The following UGGT1 variants were observed in gnomAD, a reference collection of about 807,000 sequenced individuals.
The protein encoded by UGGT1 is UDP-glucose:glycoprotein glucosyltransferase 1.
A neutral mutation model predicts 203.9 loss-of-function variants in UGGT1; 107 were observed. That is an observed-to-expected ratio of 0.52 (90% CI 0.45 to 0.62). The LOEUF (loss-of-function observed/expected upper bound fraction) is 0.62. UGGT1 is among the 20% of genes least tolerant of loss of function. UGGT1 has a pLI of 0.00. For missense variants in UGGT1, 1,673 were observed against 1,867.2 expected (o/e 0.90, Z 1.92); for synonymous variants, 628 against 653.5 (o/e 0.96, Z 0.59).
At chr2:128,146,405 A>G (rs35895113) in intron 18 of UGGT1, among the ~76,000 whole-genome samples, 26,173 of 152,186 alleles carry the variant, frequency 0.17, 2,679 homozygotes, top group South Asian at 0.32. Context: ...GAAAATATTC[A>G]TAAATCTTCT....
intron 1 of UGGT1, among the ~76,000 whole-genome samples, chr2:128,094,787 C>T (rs369665664): frequency 6.5e-5 from 8 of 123,346 alleles, no homozygotes; most frequent in South Asian, 2.6e-4. Context: ...CTCTCTCTGT[C>T]GCCCAGGCTG....
chr2:128,127,165 A>G (rs549511426), intron 11 of UGGT1, among the ~76,000 whole-genome samples, 196 bp from the exon 12 acceptor site: 6 of 152,250 alleles, frequency 3.9e-5, no homozygotes, highest in African/African-American at 1.4e-4. Context: ...TGTGGTGTAC[A>G]ACATGTTTCG....
At position 128,155,601 on chromosome 2, in the gene UGGT1, G is replaced by A; in HGVS notation, c.2236+14G>A. On this transcript the variant is annotated intron_variant, in intron 20 of 40. Coordinates refer to ENST00000259253, the MANE Select transcript of UGGT1 (RefSeq NM_020120.4). ...TGACAAAGAAAGGTAATCCATTTGA[G>A]GCTTATTATCTTGCATTCAACATTT... is the stretch of plus-strand genomic sequence containing the variant. The A allele has an allele frequency of 6.3e-7, 1 of 1,591,066 alleles. No homozygotes were observed. Among genetic ancestry groups the A allele is most frequent in the South Asian group, 1.1e-5 (1 of 87,664 alleles).
At chr2:128,106,721 T>C (rs1336867160) in intron 3 of UGGT1, among the ~76,000 whole-genome samples, 1 of 152,154 alleles carries the variant, frequency 6.6e-6, no homozygotes, top group Non-Finnish European at 1.5e-5. Flanking sequence ...GGCTAATTTT[T>C]ATATTTTTAA....
intron 13 of UGGT1, 77 bp downstream of exon 13, chr2:128,129,256 A>T (rs1214265551): frequency 2.0e-6 from 3 of 1,487,324 alleles, no homozygotes; most frequent in Non-Finnish European, 2.7e-6. Flanking sequence ...GTCTCTTATG[A>T]GGGTGAAGTT....
chr2:128,102,288 G>A (rs928053885), intron 2 of UGGT1, among the ~76,000 whole-genome samples: 18 of 151,982 alleles, frequency 1.2e-4, no homozygotes, highest in African/African-American at 3.6e-4. Context: ...GACTACAGGC[G>A]CCCGCCACCA....
Position 128,091,323 on chromosome 2 carries a change from C to T in UGGT1, c.-35C>T, listed in dbSNP as rs187520649. The T allele has an allele frequency of 1.9e-6, 3 of 1,543,618 alleles. No homozygotes were observed. The highest frequency in any genetic ancestry group is 5.0e-5 in the East Asian group (2 of 40,278). ...TCGCCCCGCCCTGCCCTGGCGTTGT[C>T]TCTGGCACTGTGGCGGACTGACCAC... On this transcript the variant is annotated 5_prime_UTR_variant, in exon 1 of 41. Coordinates refer to ENST00000259253, the MANE Select transcript of UGGT1 (RefSeq NM_020120.4).
At chr2:128,156,850 G>A (rs1437778240) in intron 21 of UGGT1, among the ~76,000 whole-genome samples, 3 of 152,172 alleles carry the variant, frequency 2.0e-5, no homozygotes, top group Non-Finnish European at 4.4e-5. Context: ...GATTACAGGC[G>A]TGAGCCACTG....
chr2:128,099,604 G>C (rs1394081153), intron 2 of UGGT1, among the ~76,000 whole-genome samples: 2 of 152,154 alleles, frequency 1.3e-5, no homozygotes, highest in Admixed American at 1.3e-4. Context: ...TGTGGCAGCC[G>C]GTCTTGGCTA....
intron 11 of UGGT1, among the ~76,000 whole-genome samples, 150 bp from the exon 12 acceptor site, chr2:128,127,207 TCTTA>T (rs1688647028): frequency 6.6e-6 from 1 of 152,208 alleles, no homozygotes; most frequent in Admixed American, 6.5e-5. Flanking sequence ...TTATCCCCTG[TCTTA>T]CTTGCCATTG....
At chr2:128,158,304 T>C (rs999488173) in intron 22 of UGGT1, among the ~76,000 whole-genome samples, 7 of 152,250 alleles carry the variant, frequency 4.6e-5, no homozygotes, top group Non-Finnish European at 1.5e-5. Flanking sequence ...GAACACACTC[T>C]TGTGACCACC....
intron 28 of UGGT1, 24 bp downstream of exon 28, chr2:128,171,308 CA>C (rs1483539888): frequency 1.3e-6 from 2 of 1,596,862 alleles, no homozygotes; most frequent in Non-Finnish European, 1.7e-6. Flanking sequence ...TGTAAGAAAA[CA>C]GTTGAAGAAA....
Position 128,168,205 on chromosome 2 carries a change from T to C in UGGT1, c.2922-2083T>C, listed in dbSNP as rs73955965. Among the ~76,000 whole-genome samples, 769 of 152,300 alleles carry C rather than the reference T, an allele frequency of 5.0e-3. 10 individuals carry two copies. The highest frequency in any genetic ancestry group is 0.016 in the African/African-American group (678 of 41,558). ...AGTCTGGGTTGGATCCTGACTTGCT[T>C]CTCACAAATGCCCAGGGGAAGCTGA... On this transcript the variant is annotated intron_variant, in intron 26 of 40. Coordinates refer to ENST00000259253, the MANE Select transcript of UGGT1 (RefSeq NM_020120.4).
intron 26 of UGGT1, among the ~76,000 whole-genome samples, chr2:128,169,666 C>CT (rs1179494667): frequency 2.6e-5 from 4 of 152,164 alleles, no homozygotes; most frequent in East Asian, 1.9e-4. Context: ...GGAGTAAACT[C>CT]TGACAGCTTC....
At chr2:128,150,736 C>T (rs1257798219) in intron 18 of UGGT1, among the ~76,000 whole-genome samples, 1 of 149,340 alleles carries the variant, frequency 6.7e-6, no homozygotes, top group Admixed American at 6.7e-5. Context: ...CACTTCATTC[C>T]AGCTATAGGT....
At chr2:128,103,512 T>C (rs968440708) in intron 2 of UGGT1, among the ~76,000 whole-genome samples, 17 of 152,164 alleles carry the variant, frequency 1.1e-4, no homozygotes, top group Admixed American at 2.0e-4. Flanking sequence ...GTGGGAGAAC[T>C]TTAGGCAAAA....
intron 37 of UGGT1, among the ~76,000 whole-genome samples, chr2:128,183,461 G>T (rs1199817345): frequency 1.3e-5 from 2 of 152,190 alleles, no homozygotes; most frequent in African/African-American, 4.8e-5. Flanking sequence ...GGCAAATACA[G>T]AACAGTAACA....
intron 2 of UGGT1, among the ~76,000 whole-genome samples, chr2:128,098,902 TATA>T (rs1687238503): frequency 6.6e-6 from 1 of 152,180 alleles, no homozygotes; most frequent in Non-Finnish European, 1.5e-5. Context: ...TGTAAATAAA[TATA>T]ATGAGATACC....
intron 2 of UGGT1, among the ~76,000 whole-genome samples, chr2:128,101,574 G>A (rs1244820990): frequency 6.6e-6 from 1 of 152,200 alleles, no homozygotes; most frequent in Non-Finnish European, 1.5e-5. Flanking sequence ...AATGACCCAA[G>A]AATGTAGCAT....
Sources: gnomAD v4.1 joint callset for allele counts (sites outside exome capture counted in the v4.1 genomes callset) on GRCh38, gnomAD v4.1.1 for gene constraint, MANE v1.5 for transcripts, NCBI Gene and HGNC (gene_info 2026-07-23, HGNC 2026-07-21) for gene names.